TRHDE: variants seen among roughly 807,000 people sequenced by gnomAD.
TRHDE encodes the protein thyrotropin-releasing hormone-degrading ectoenzyme.
TRHDE carries 72 observed loss-of-function variants against 125.7 expected under a neutral mutation model. The observed-to-expected ratio is 0.57, with a 90% confidence interval of 0.47 to 0.70. The LOEUF is 0.70. Ranked by LOEUF, TRHDE falls within the 30% of genes least tolerant of loss-of-function variation. The pLI, the probability that TRHDE is intolerant of heterozygous loss-of-function variation, is 0.00. For missense variants in TRHDE, 1,110 were observed against 1,327.1 expected (o/e 0.84, Z 2.54); for synonymous variants, 509 against 509.1 (o/e 1.00, Z 0.00).
intron 9 of TRHDE, among the ~76,000 whole-genome samples, chr12:72,564,927 A>G (rs1405652725): frequency 6.6e-6 from 1 of 151,954 alleles, no homozygotes; most frequent in Non-Finnish European, 1.5e-5. Flanking sequence ...CGGCCTCCCA[A>G]AGTGCTGGGA....
intron 2 of TRHDE, among the ~76,000 whole-genome samples, chr12:72,354,471 G>C (rs555349049): frequency 9.9e-5 from 15 of 151,262 alleles, no homozygotes; most frequent in Non-Finnish European, 1.2e-4. Context: ...ATTTATTGCT[G>C]TATCCTGAGT....
chr12:72,604,867 G>T (rs1156940006), intron 12 of TRHDE, among the ~76,000 whole-genome samples: 4 of 151,920 alleles, frequency 2.6e-5, no homozygotes, highest in Non-Finnish European at 5.9e-5. Flanking sequence ...TTAGAACATG[G>T]TAAATCTATA....
chr12:72,578,567 C>G (rs1871104661), intron 12 of TRHDE, among the ~76,000 whole-genome samples: 1 of 152,166 alleles, frequency 6.6e-6, no homozygotes, highest in African/African-American at 2.4e-5. Flanking sequence ...CACCTTATTG[C>G]TCAACCACTT....
chr12:72,231,872 C>A (rs928631393), intron 2 of TRHDE, among the ~76,000 whole-genome samples: 1 of 152,076 alleles, frequency 6.6e-6, no homozygotes, highest in African/African-American at 2.4e-5. Context: ...ATAAGGAAAA[C>A]TTTTATTTTG....
chr12:72,633,145 A>G (rs1873568888), intron 15 of TRHDE, among the ~76,000 whole-genome samples: 1 of 152,000 alleles, frequency 6.6e-6, no homozygotes, highest in Non-Finnish European at 1.5e-5. Context: ...TGTCCCTTTC[A>G]AAGTACATTT....
chr12:72,594,987 A>G (rs1871866021), intron 12 of TRHDE, among the ~76,000 whole-genome samples: 1 of 151,588 alleles, frequency 6.6e-6, no homozygotes, highest in South Asian at 2.1e-4. Context: ...ATTGGAAATC[A>G]TCATTCTCAG....
intron 10 of TRHDE, among the ~76,000 whole-genome samples, chr12:72,574,726 G>C (rs1870908435): frequency 6.6e-6 from 1 of 151,962 alleles, no homozygotes; most frequent in African/African-American, 2.4e-5. Context: ...GAACAAGTAA[G>C]ATTTATTTTA....
chr12:72,568,797 A>T (rs1196102138), intron 10 of TRHDE, 141 bp downstream of exon 10: 1 of 505,524 alleles, frequency 2.0e-6, no homozygotes, highest in Non-Finnish European at 3.5e-6. Flanking sequence ...CAACCCTATA[A>T]AATTAGATAT....
chr12:72,175,867 C>A (rs1203020414), intron 2 of TRHDE, among the ~76,000 whole-genome samples: 1 of 152,210 alleles, frequency 6.6e-6, no homozygotes, highest in Admixed American at 6.5e-5. Context: ...GAAGAAGGAT[C>A]AACTCTGATC....
chr12:72,272,938 G>A lies in TRHDE; in HGVS notation c.295G>A (p.Val99Ile). The A allele has an allele frequency of 1.3e-6, 2 of 1,577,350 alleles. No individual in the cohort carries two copies. Among genetic ancestry groups the A allele is most frequent in the Non-Finnish European group, 1.7e-6 (2 of 1,169,466 alleles). ...TGTGTCCCTCGTGGCATTGCTCGCG[G>A]TCACAATGCTCGCTGTGCTGCTCAG... is the stretch of plus-strand genomic sequence containing the variant. ...FAVSLVALLA[V>I]TMLAVLLSLR... The change falls in exon 1 of 19, where the codon GTC becomes ATC. Residue 99 changes from valine to isoleucine, a missense_variant. Around this residue, in one of 5 missense-constraint regions of TRHDE, gnomAD observed 248 missense variants for 240.8 expected, o/e 1.03. Coordinates refer to ENST00000261180, the MANE Select transcript of TRHDE (RefSeq NM_013381.3). This position sits in a 1 kb window ranked among gnomAD's most constrained non-coding sequence, Gnocchi z 6.7.
chr12:72,383,579 G>T (rs1872281845), intron 3 of TRHDE, among the ~76,000 whole-genome samples: 1 of 151,846 alleles, frequency 6.6e-6, no homozygotes, highest in South Asian at 2.1e-4. Flanking sequence ...GTTTCACTAT[G>T]TTGGTCAGAC....
At chr12:72,601,875 T>C (rs1379222524) in intron 12 of TRHDE, among the ~76,000 whole-genome samples, 1 of 152,168 alleles carries the variant, frequency 6.6e-6, no homozygotes, top group Non-Finnish European at 1.5e-5. Context: ...CTTTCTTTCT[T>C]ATAATACTTG....
intron 2 of TRHDE, among the ~76,000 whole-genome samples, chr12:72,127,650 G>C (rs1027849090): frequency 1.3e-5 from 2 of 152,122 alleles, no homozygotes; most frequent in Non-Finnish European, 2.9e-5. Context: ...TGGACATAAA[G>C]ATGGCAACAA....
intron 10 of TRHDE, 145 bp from the exon 11 acceptor site, chr12:72,575,110 A>G: frequency 4.1e-6 from 3 of 733,134 alleles, no homozygotes; most frequent in Non-Finnish European, 6.6e-6. Flanking sequence ...GATGCAAGTG[A>G]TTAATTAAAG....
chr12:72,564,255 TC>T (rs1425007258), intron 9 of TRHDE, among the ~76,000 whole-genome samples: 1 of 152,140 alleles, frequency 6.6e-6, no homozygotes. Context: ...CAATGCTTCT[TC>T]CCCGAGCCTG....
At chr12:72,111,850 T>A (rs1875322344) in intron 2 of TRHDE, among the ~76,000 whole-genome samples, 1 of 152,152 alleles carries the variant, frequency 6.6e-6, no homozygotes, top group East Asian at 1.9e-4. Context: ...AATTTTTCTC[T>A]CTCTACATGT....
intron 2 of TRHDE, among the ~76,000 whole-genome samples, chr12:72,148,276 C>G (rs772415784): frequency 7.9e-5 from 12 of 152,154 alleles, no homozygotes; most frequent in Non-Finnish European, 1.5e-4. Context: ...AAGAATCCAA[C>G]AGCATTAGAA....
chr12:72,575,244 G>A lies in TRHDE; in HGVS notation c.2132-11G>A, dbSNP rs768316677. On this transcript the variant is annotated splice_polypyrimidine_tract_variant and intron_variant, in intron 10 of 18. Transcript: ENST00000261180. ...AAAGTTTGAAATCTATCCCAAAAAT[G>A]CTTTTTTCAGAGCACCACAGAATAA... is the stretch of plus-strand genomic sequence containing the variant. The A allele has an allele frequency of 2.5e-6, 4 of 1,609,728 alleles. No individual in the cohort carries two copies. The highest frequency in any genetic ancestry group is 3.4e-6 in the Non-Finnish European group (4 of 1,178,778).
At chr12:72,446,651 G>C (rs1326910763) in intron 3 of TRHDE, among the ~76,000 whole-genome samples, 1 of 152,032 alleles carries the variant, frequency 6.6e-6, no homozygotes, top group African/African-American at 2.4e-5. Flanking sequence ...TCAAAATAAA[G>C]AGATGGAGGA....
Sources: allele counts gnomAD v4.1 joint callset (sites outside exome capture counted in the v4.1 genomes callset), GRCh38; gene constraint gnomAD v4.1.1; regional missense constraint gnomAD v4.1.1; non-coding constraint Gnocchi (gnomAD v3.1); transcripts MANE v1.5; gene names NCBI Gene and HGNC (gene_info 2026-07-23, HGNC 2026-07-21).